The following ZSWIM4 variants were observed in gnomAD, a reference collection of about 807,000 sequenced individuals.
ZSWIM4 encodes the protein zinc finger SWIM domain-containing protein 4.
Under a neutral mutation model 102.5 loss-of-function variants are expected in ZSWIM4, and 62 were observed. The observed-to-expected ratio is 0.60, with a 90% confidence interval of 0.49 to 0.75. The LOEUF (loss-of-function observed/expected upper bound fraction) is 0.75, where lower values mean the gene tolerates loss of function less well. Among genes scored for constraint, ZSWIM4 ranks in the 30% least tolerant of loss-of-function variants. The pLI is 0.00. For synonymous variants in ZSWIM4, 652 were observed against 674.5 expected, an observed-to-expected ratio of 0.97 and a Z score of 0.52; for missense variants, 1,280 against 1,529.6, an observed-to-expected ratio of 0.84 and a Z score of 2.72.
Position 13,831,082 on chromosome 19 carries a change from C to G in ZSWIM4, c.*32C>G, listed in dbSNP as rs1975756276. On this transcript the variant is annotated 3_prime_UTR_variant, in exon 14 of 14. Transcript: ENST00000590508. ...GTGGGGTGCGTGGGAGTGGGGATCC[C>G]CCTCGCCCCTGCGTCCCCCACCCTT... The G allele has an allele frequency of 6.5e-7, 1 of 1,527,226 alleles. No individual in the cohort carries two copies. Among genetic ancestry groups the G allele is most frequent in the Non-Finnish European group, 8.7e-7 (1 of 1,143,336 alleles). 94.6% of individuals were successfully genotyped at this position (1,527,226 alleles called of 1,614,324 possible). A position where few individuals can be genotyped will look rare whatever the true frequency, so the allele number is the denominator to read the frequency against.
At chr19:13,815,456 A>ATTTTTTTTTTTTTTT (rs758486796) in intron 7 of ZSWIM4, 2 of 58,174 alleles carry the variant, frequency 3.4e-5, no homozygotes, top group African/African-American at 1.6e-4. Context: ...GTGCCTGGAA[A>ATTTTTTTTTTTTTTT]TTTTTTTTTT....
intron 13 of ZSWIM4, among the ~76,000 whole-genome samples, chr19:13,829,238 G>A (rs1034857492): frequency 1.3e-5 from 2 of 151,616 alleles, no homozygotes; most frequent in African/African-American, 4.9e-5. Context: ...CTGTGATTGT[G>A]CCACTGCACT....
Position 13,809,772 on chromosome 19 carries a change from A to C in ZSWIM4, c.1012+552A>C, listed in dbSNP as rs1822640494. Among the ~76,000 whole-genome samples, 1 of 151,760 alleles carries C rather than the reference A, an allele frequency of 6.6e-6. No homozygotes were observed. The highest frequency in any genetic ancestry group is 2.1e-4 in the South Asian group (1 of 4,808). ...TGAGATGACATGCATGAGCCACCACACCCAGCCTACATGTTTTGTTTCTTT... is the reference window on the plus strand; with the variant it reads ...TGAGATGACATGCATGAGCCACCACCCCCAGCCTACATGTTTTGTTTCTTT... On this transcript the variant is annotated intron_variant, in intron 5 of 13. Coordinates refer to ENST00000590508, the MANE Select transcript of ZSWIM4 (RefSeq NM_001367834.3). This position sits in a 1 kb window ranked among gnomAD's most constrained non-coding sequence, Gnocchi z 4.2.
In ZSWIM4 at chr19:13,819,498, G is replaced by A. The variant is rs1355455767; in HGVS notation, c.2060+6G>A. ...CTCGCGCTGCGAGCTATGAGGTGAG[G>A]ATAGGTGGCCAAGGCAGTGGCAGGG... is the stretch of plus-strand genomic sequence containing the variant. On this transcript the variant is annotated splice_donor_region_variant and intron_variant, in intron 10 of 13. Coordinates refer to ENST00000590508, the MANE Select transcript of ZSWIM4 (RefSeq NM_001367834.3). 5.8e-6 allele frequency: 9 copies of A among 1,556,914 alleles called. No homozygotes were observed. In the South Asian group the frequency reaches 1.0e-4, roughly 18 times the overall value.
intron 3 of ZSWIM4, 64 bp from the exon 4 acceptor site, chr19:13,808,772 C>T: frequency 7.1e-7 from 1 of 1,413,032 alleles, no homozygotes; most frequent in Non-Finnish European, 9.5e-7. Flanking sequence ...GGACAGCTCT[C>T]CTCAACCCAA....
intron 9 of ZSWIM4, among the ~76,000 whole-genome samples, chr19:13,818,953 C>G (rs907303853): frequency 6.6e-6 from 1 of 151,294 alleles, no homozygotes. Context: ...ACCCTCCGAT[C>G]CCGGGTTCAC....
chr19:13,814,802 A>G lies in ZSWIM4; in HGVS notation c.1468A>G (p.Ile490Val). 2.3e-6 allele frequency: 3 copies of G among 1,283,800 alleles called. No individual in the cohort carries two copies. The allele number at this position is 1,283,800 out of a possible 1,614,324, so 79.5% of individuals were successfully genotyped here. A position where few individuals can be genotyped will look rare whatever the true frequency, so the allele number is the denominator to read the frequency against. ...PRQALRLASA[I>V]INTLRLQQRH... ...CCAGGCCCTGCGGCTGGCAAGTGCC[A>G]TCATCAACACACTCCGGCTGCAGCA... Residue 490 changes from isoleucine to valine, a missense_variant, in exon 7 of 14, where the codon ATC becomes GTC. Coordinates refer to ENST00000590508, the MANE Select transcript of ZSWIM4 (RefSeq NM_001367834.3).
intron 11 of ZSWIM4, among the ~76,000 whole-genome samples, chr19:13,824,657 G>A (rs1335040219): frequency 6.6e-6 from 1 of 151,726 alleles, no homozygotes; most frequent in African/African-American, 2.4e-5. Flanking sequence ...ACTTGAACCC[G>A]GGAGGCAAAG....
chr19:13,823,620 G>A, intron 11 of ZSWIM4, 120 bp downstream of exon 11: 2 of 1,231,394 alleles, frequency 1.6e-6, no homozygotes, highest in Non-Finnish European at 2.3e-6. Flanking sequence ...CATTCTTTGA[G>A]CACCTCCTAT....
At chr19:13,829,484 G>T (rs991037351) in intron 13 of ZSWIM4, among the ~76,000 whole-genome samples, 1 of 151,954 alleles carries the variant, frequency 6.6e-6, no homozygotes, top group Non-Finnish European at 1.5e-5. Context: ...CCAGCTACTC[G>T]GGAGGCTGAG....
At chr19:13,817,558 A>G in intron 8 of ZSWIM4, 164 bp from the exon 9 acceptor site, 3 of 1,053,102 alleles carry the variant, frequency 2.8e-6, no homozygotes, top group Non-Finnish European at 4.0e-6. Flanking sequence ...AGCTGCTGCT[A>G]GAAGGTGGGG....
intron 2 of ZSWIM4, among the ~76,000 whole-genome samples, chr19:13,800,240 ATTTCTTTTTTTTTTTTTT>A (rs1974727983): frequency 1.2e-4 from 3 of 24,238 alleles, no homozygotes; most frequent in African/African-American, 2.9e-4. Flanking sequence ...AATTTTTTGT[ATTTCTTTTTTTTTTTTTT>A]TTTTTTTTTT....
intron 12 of ZSWIM4, among the ~76,000 whole-genome samples, 195 bp from the exon 13 acceptor site, chr19:13,828,450 C>T (rs1413937686): frequency 6.6e-6 from 1 of 152,016 alleles, no homozygotes; most frequent in Non-Finnish European, 1.5e-5. Flanking sequence ...GAAAAAACAA[C>T]AATCCTATGA....
intron 13 of ZSWIM4, among the ~76,000 whole-genome samples, chr19:13,829,918 C>T (rs988896378): frequency 6.6e-6 from 1 of 151,984 alleles, no homozygotes; most frequent in East Asian, 1.9e-4. Context: ...GAATGGCTGG[C>T]CAGCATGGAG....
intron 3 of ZSWIM4, among the ~76,000 whole-genome samples, chr19:13,807,754 CATGGATGGATGGATGGATGG>C (rs368459784): frequency 7.2e-6 from 1 of 139,220 alleles, no homozygotes; most frequent in East Asian, 2.2e-4. Context: ...TGGATGGATG[CATGGATGGATGGATGGATGG>C]ATGGATGGAT....
intron 6 of ZSWIM4, 28 bp from the exon 7 acceptor site, chr19:13,814,487 C>CT (rs1975206522): frequency 1.8e-6 from 2 of 1,129,902 alleles, no homozygotes; most frequent in Admixed American, 4.1e-5. Flanking sequence ...CCCCCCCTCA[C>CT]TGAGCCATGT....
rs557420984 is a variant in ZSWIM4, at chr19:13,803,531, C to G, written c.356-1261C>G. ...GCTCGGTGGCTCGCGCCTATAATCC[C>G]AGCACTTTGGGAGGCCGAGGCGGGT... On this transcript the variant is annotated intron_variant, in intron 2 of 13. Coordinates refer to ENST00000590508, the MANE Select transcript of ZSWIM4 (RefSeq NM_001367834.3). Among the ~76,000 whole-genome samples the G allele has an allele frequency of 8.6e-5, 13 of 151,942 alleles. No homozygotes were observed. The South Asian group carries it at 2.7e-3, about 32-fold the overall frequency.
rs1270335621 is a variant in ZSWIM4 at position 13,817,894 on chromosome 19, G to A, written c.1842G>A (p.Gln614=). 1 of 1,549,940 alleles carries A rather than the reference G, an allele frequency of 6.5e-7. No homozygotes were observed. The highest frequency in any genetic ancestry group is 8.7e-7 in the Non-Finnish European group (1 of 1,146,328). ...ACAAGGTGGTGCGCAACGAGGAGCA[G>A]CTGCTGGCCCTGCTGGAGGAGGTGG... ...AQDKVVRNEE[Q]LLALLEEVEL... Residue 614 remains glutamine, a synonymous_variant, in exon 9 of 14, where the codon CAG becomes CAA. Coordinates refer to ENST00000590508, the MANE Select transcript of ZSWIM4 (RefSeq NM_001367834.3).
Position 13,825,551 on chromosome 19 carries a change from A to AGT in ZSWIM4, c.2218_2219insTG (p.Asp740ValfsTer56). 1 of 1,613,668 alleles carries AGT rather than the reference A, an allele frequency of 6.2e-7. No individual in the cohort carries two copies. Among genetic ancestry groups the AGT allele is most frequent in the Non-Finnish European group, 8.5e-7 (1 of 1,179,690 alleles). ...TCCTCTGTCCCGCCCTTCACCCAGG[A>AGT]GACCCCAAGTGGCTGCACACGGTAC... On this transcript the variant is annotated frameshift_variant and splice_region_variant, in exon 12 of 14. Transcript: ENST00000590508. LOFTEE classifies it high-confidence loss of function. The surrounding 1 kb of genome is among the most constrained non-coding windows in gnomAD (Gnocchi z 4.6).
Sources: allele counts gnomAD v4.1 joint callset (sites outside exome capture counted in the v4.1 genomes callset), GRCh38; gene constraint gnomAD v4.1.1; non-coding constraint Gnocchi (gnomAD v3.1); transcripts MANE v1.5; gene names NCBI Gene and HGNC (gene_info 2026-07-23, HGNC 2026-07-21).